Variants in SLX4IP observed in about 807,000 individuals in gnomAD.
SLX4IP encodes protein SLX4IP.
A neutral mutation model predicts 32.9 loss-of-function variants in SLX4IP; 34 were observed. The observed-to-expected ratio is 1.03, with a 90% CI of 0.79 to 1.38. SLX4IP has a LOEUF of 1.38. Among genes scored for constraint, SLX4IP ranks in the 40% most tolerant of loss-of-function variants. The probability of loss-of-function intolerance (pLI) is 0.00; values close to 1 mark genes in which losing one functional copy is unlikely to be tolerated. For missense variants in SLX4IP, 444 were observed against 479.0 expected (o/e 0.93, Z 0.68); for synonymous variants, 172 against 171.7 (o/e 1.00, Z -0.01).
At chr20:10,542,245 G>A (rs2122479766) in intron 2 of SLX4IP, among the ~76,000 whole-genome samples, 1 of 152,236 alleles carries the variant, frequency 6.6e-6, no homozygotes, top group South Asian at 2.1e-4. Context: ...TGAGTGGCCA[G>A]TGCACACCCC....
At chr20:10,622,513 GGAGT>G in intron 7 of SLX4IP, 142 bp from the exon 8 acceptor site, 8 of 1,084,560 alleles carry the variant, frequency 7.4e-6, no homozygotes, top group Non-Finnish European at 1.0e-5. Context: ...CCTGTGGTGG[GGAGT>G]GTTTCCAGAT....
chr20:10,466,803 A>C (rs1034931164), intron 2 of SLX4IP, among the ~76,000 whole-genome samples: 3 of 152,064 alleles, frequency 2.0e-5, no homozygotes, highest in Non-Finnish European at 4.4e-5. Context: ...TCTGAATCTA[A>C]AGTAAAAGAT....
At chr20:10,446,545 A>G (rs1164086619) in intron 1 of SLX4IP, among the ~76,000 whole-genome samples, 1 of 140,252 alleles carries the variant, frequency 7.1e-6, no homozygotes, top group Non-Finnish European at 1.6e-5. Flanking sequence ...AGAAACTTCC[A>G]GTCACTTTTC....
intron 6 of SLX4IP, among the ~76,000 whole-genome samples, chr20:10,616,443 T>C (rs2067032440): frequency 6.6e-6 from 1 of 151,806 alleles, no homozygotes; most frequent in African/African-American, 2.4e-5. Flanking sequence ...AAATGTCAAG[T>C]CCCTTTTCTT....
chr20:10,531,568 G>A lies in SLX4IP; in HGVS notation c.28-24663G>A, dbSNP rs145035998. Among the ~76,000 whole-genome samples the A allele has an allele frequency of 6.6e-5, 10 of 152,286 alleles. No individual in the cohort carries two copies. The East Asian group carries it at 1.7e-3, about 26-fold the overall frequency. ...TGGGGACCCAATTTTGAATAAGACC[G>A]ACAAAGTCCTTGGTCTCATGGAGAT... On this transcript the variant is annotated intron_variant, in intron 2 of 7. Transcript: ENST00000334534.
intron 2 of SLX4IP, among the ~76,000 whole-genome samples, chr20:10,468,079 C>A (rs963518152): frequency 3.9e-5 from 6 of 152,174 alleles, no homozygotes; most frequent in African/African-American, 1.4e-4. Flanking sequence ...CCTAAAACTT[C>A]AAACAAAGAA....
chr20:10,518,711 G>T (rs2065880459), intron 2 of SLX4IP, among the ~76,000 whole-genome samples: 1 of 151,914 alleles, frequency 6.6e-6, no homozygotes, highest in Non-Finnish European at 1.5e-5. Context: ...GGGACCATGG[G>T]TGGGAGTCAC....
chr20:10,495,423 G>A (rs652325), intron 2 of SLX4IP, among the ~76,000 whole-genome samples: 31,078 of 152,062 alleles, frequency 0.2, 3,675 homozygotes, highest in Admixed American at 0.27. Context: ...CTGGTACATG[G>A]TCGGGGTTTT....
At chr20:10,603,518 A>C (rs1022448082) in intron 6 of SLX4IP, among the ~76,000 whole-genome samples, 8 of 152,220 alleles carry the variant, frequency 5.3e-5, no homozygotes, top group Non-Finnish European at 1.2e-4. Flanking sequence ...GACCAGAGTT[A>C]ACCACATTAA....
chr20:10,506,923 T>C (rs1382194605), intron 2 of SLX4IP, among the ~76,000 whole-genome samples: 1 of 152,216 alleles, frequency 6.6e-6, no homozygotes, highest in Non-Finnish European at 1.5e-5. Context: ...TGCATATATT[T>C]AAGGTGTACA....
chr20:10,474,789 T>TG (rs1051680863), intron 2 of SLX4IP, among the ~76,000 whole-genome samples: 13 of 152,218 alleles, frequency 8.5e-5, no homozygotes, highest in African/African-American at 2.7e-4. Flanking sequence ...TCAGAGGTGT[T>TG]GGGGGTGTTC....
In SLX4IP at chr20:10,459,820, A is replaced by G. The variant is rs186666193; in HGVS notation, c.27+1589A>G. On this transcript the variant is annotated intron_variant, in intron 2 of 7. Transcript: ENST00000334534. ...AGGGATAGTGGGAAGGGAGAAGAGA[A>G]GAACTGATGATGAGTGCAAGATCTT... 1.2e-3 allele frequency among the ~76,000 whole-genome samples: 183 copies of G among 152,314 alleles called. 1 individual carries two copies. In the Middle Eastern group the frequency reaches 0.024, roughly 20 times the overall value.
intron 2 of SLX4IP, among the ~76,000 whole-genome samples, chr20:10,469,156 C>T (rs1043705466): frequency 5.9e-5 from 9 of 152,280 alleles, no homozygotes; most frequent in African/African-American, 2.2e-4. Flanking sequence ...TTCTGAAGTG[C>T]CCAGTACCCC....
Position 10,538,513 on chromosome 20 carries a change from T to A in SLX4IP, c.28-17718T>A, listed in dbSNP as rs576238812. 2.0e-5 allele frequency among the ~76,000 whole-genome samples: 3 copies of A among 151,984 alleles called. No individual in the cohort carries two copies. The South Asian group carries it at 6.2e-4, about 32-fold the overall frequency. Reference sequence around the variant, plus strand: ...TAAAATTACAGTTCTAGATTCTTATTGATAAAGCCCTTCATCTTTTTTTTT... The same window carrying A: ...TAAAATTACAGTTCTAGATTCTTATAGATAAAGCCCTTCATCTTTTTTTTT... On this transcript the variant is annotated intron_variant, in intron 2 of 7. Coordinates refer to ENST00000334534, the MANE Select transcript of SLX4IP (RefSeq NM_001009608.3).
chr20:10,617,490 C>T (rs1469365201), intron 6 of SLX4IP, among the ~76,000 whole-genome samples: 2 of 152,166 alleles, frequency 1.3e-5, no homozygotes, highest in Non-Finnish European at 2.9e-5. Context: ...ACTTCTCTCC[C>T]TATCTCCCAT....
intron 6 of SLX4IP, among the ~76,000 whole-genome samples, chr20:10,605,237 C>CT (rs1202633504): frequency 6.6e-6 from 1 of 150,738 alleles, no homozygotes; most frequent in Non-Finnish European, 1.5e-5. Context: ...GCCACTCCTT[C>CT]TAGTCTCTGG....
chr20:10,486,776 A>G (rs748257676), intron 2 of SLX4IP, among the ~76,000 whole-genome samples: 43 of 152,300 alleles, frequency 2.8e-4, no homozygotes, highest in Non-Finnish European at 5.4e-4. Flanking sequence ...CCCTTCAAAT[A>G]TTACTTGAAA....
intron 2 of SLX4IP, among the ~76,000 whole-genome samples, chr20:10,519,999 A>G (rs1171279666): frequency 6.6e-6 from 1 of 152,072 alleles, no homozygotes; most frequent in South Asian, 2.1e-4. Context: ...CTTATTGACT[A>G]TTTATTTTCT....
At chr20:10,498,122 TAAC>T (rs1261341411) in intron 2 of SLX4IP, among the ~76,000 whole-genome samples, 2 of 150,356 alleles carry the variant, frequency 1.3e-5, no homozygotes, top group East Asian at 3.9e-4. Context: ...TATTCTTCCT[TAAC>T]AATTATTGGC....
Sources: allele counts gnomAD v4.1 joint callset (sites outside exome capture counted in the v4.1 genomes callset), GRCh38; gene constraint gnomAD v4.1.1; transcripts MANE v1.5; gene names NCBI Gene and HGNC (gene_info 2026-07-23, HGNC 2026-07-21).